NSMAF: variants seen among roughly 807,000 people sequenced by gnomAD.
The protein encoded by NSMAF is protein FAN.
NSMAF carries 90 observed loss-of-function variants against 134.9 expected under a neutral mutation model. The ratio of observed to expected loss-of-function variants is 0.67; its 90% confidence interval spans 0.56 to 0.79. The LOEUF (loss-of-function observed/expected upper bound fraction) is 0.79. Among genes scored for constraint, NSMAF ranks in the 30% least tolerant of loss-of-function variants. The pLI is 0.00. For synonymous variants in NSMAF, 358 were observed against 389.6 expected, an observed-to-expected ratio of 0.92 and a Z score of 0.96; for missense variants, 1,010 against 1,119.0, an observed-to-expected ratio of 0.90 and a Z score of 1.39.
intron 26 of NSMAF, among the ~76,000 whole-genome samples, chr8:58,588,217 A>T (rs1756436677): frequency 6.6e-6 from 1 of 152,262 alleles, no homozygotes. Context: ...TAAGATTTCA[A>T]AGAAAAGACT....
intron 2 of NSMAF, chr8:58,637,374 T>C (rs1807200284): frequency 2.2e-6 from 1 of 456,168 alleles, no homozygotes; most frequent in Non-Finnish European, 4.4e-6. Context: ...TGATTGCAAC[T>C]GAGTTATTTC....
At chr8:58,610,142 G>A (rs1486429673) in intron 9 of NSMAF, among the ~76,000 whole-genome samples, 1 of 151,856 alleles carries the variant, frequency 6.6e-6, no homozygotes, top group East Asian at 1.9e-4. Context: ...ACTTTATAAG[G>A]CTCTGACTAC....
At chr8:58,647,794 C>A (rs1807493524) in intron 1 of NSMAF, among the ~76,000 whole-genome samples, 2 of 152,210 alleles carry the variant, frequency 1.3e-5, no homozygotes, top group African/African-American at 4.8e-5. Context: ...GCCAACTAAG[C>A]CTCTTTCCAT....
At chr8:58,655,711 T>C (rs1236125299) in intron 1 of NSMAF, among the ~76,000 whole-genome samples, 1 of 151,748 alleles carries the variant, frequency 6.6e-6, no homozygotes, top group Non-Finnish European at 1.5e-5. Flanking sequence ...ATCGAGACCA[T>C]CCTGGCTAAC....
chr8:58,609,789 A>C, intron 9 of NSMAF, 56 bp from the exon 10 acceptor site: 1 of 1,564,920 alleles, frequency 6.4e-7, no homozygotes. Context: ...TCTACTTTCT[A>C]GGTTTATCTA....
At chr8:58,647,442 C>G (rs1411906390) in intron 1 of NSMAF, among the ~76,000 whole-genome samples, 1 of 152,180 alleles carries the variant, frequency 6.6e-6, no homozygotes, top group East Asian at 1.9e-4. Context: ...ATACACTGGA[C>G]AGTGATATAG....
intron 1 of NSMAF, among the ~76,000 whole-genome samples, chr8:58,654,481 C>T (rs1238675652): frequency 6.6e-6 from 1 of 151,986 alleles, no homozygotes; most frequent in African/African-American, 2.4e-5. Context: ...ACCCAGGAGG[C>T]GGAGTTTGCG....
At chr8:58,627,287 GC>G (rs569496790) in intron 6 of NSMAF, among the ~76,000 whole-genome samples, 3 of 151,850 alleles carry the variant, frequency 2.0e-5, no homozygotes, top group Non-Finnish European at 4.4e-5. Context: ...CTTTGCCTAC[GC>G]CCCTGAAAAC....
chr8:58,637,071 T>G (rs962166813), intron 2 of NSMAF, among the ~76,000 whole-genome samples: 1 of 152,038 alleles, frequency 6.6e-6, no homozygotes, highest in African/African-American at 2.4e-5. Flanking sequence ...TTTATAAAAT[T>G]ACGTACTCAT....
rs536288071 is a variant in NSMAF at position 58,649,929 on chromosome 8, T to C, written c.60-6856A>G. Among the ~76,000 whole-genome samples the C allele has an allele frequency of 1.1e-3, 169 of 152,338 alleles. 1 individual carries two copies. Among genetic ancestry groups the C allele is most frequent in the Non-Finnish European group, 2.1e-3 (141 of 68,024 alleles). On this transcript the variant is annotated intron_variant, in intron 1 of 30. Transcript: ENST00000038176. ...GACTGGTGACAACAACTTCCTCTTC[T>C]AGTGGTTTATAAATAATCTGTCTGA...
chr8:58,622,991 G>C (rs1806822985), intron 9 of NSMAF, among the ~76,000 whole-genome samples: 2 of 152,180 alleles, frequency 1.3e-5, no homozygotes, highest in African/African-American at 4.8e-5. Flanking sequence ...TGAAAACACA[G>C]AAGCAGAAAC....
chr8:58,594,317 T>C (rs375222619), intron 22 of NSMAF, 27 bp from the exon 23 acceptor site: 12 of 1,594,048 alleles, frequency 7.5e-6, no homozygotes, highest in Non-Finnish European at 1.0e-5. Context: ...TTTCACAAAT[T>C]ACTACTCATC....
chr8:58,584,624 A>T (rs184422164), intron 30 of NSMAF, among the ~76,000 whole-genome samples: 1 of 152,230 alleles, frequency 6.6e-6, no homozygotes. Flanking sequence ...TAAGTTGAGA[A>T]CAAAAGTCAC....
At chr8:58,646,280 T>C (rs934330995) in intron 1 of NSMAF, among the ~76,000 whole-genome samples, 1 of 152,072 alleles carries the variant, frequency 6.6e-6, no homozygotes, top group Non-Finnish European at 1.5e-5. Context: ...AGAATTGGAG[T>C]TACACATCCT....
intron 1 of NSMAF, 144 bp downstream of exon 1, chr8:58,659,429 A>G (rs954255607): frequency 6.7e-7 from 1 of 1,499,342 alleles, no homozygotes; most frequent in Non-Finnish European, 8.9e-7. Flanking sequence ...CACAGCCCCC[A>G]GCCCAGGCCC....
intron 6 of NSMAF, among the ~76,000 whole-genome samples, chr8:58,625,267 G>A (rs958460563): frequency 6.6e-6 from 1 of 152,044 alleles, no homozygotes; most frequent in African/African-American, 2.4e-5. Context: ...CCTGGGTCTG[G>A]AATTCTTGGC....
chr8:58,587,597 C>T (rs534767215), intron 27 of NSMAF, 21 bp downstream of exon 27: 1 of 1,609,690 alleles, frequency 6.2e-7, no homozygotes, highest in Non-Finnish European at 8.5e-7. Flanking sequence ...GTTTTCTGTA[C>T]AGTTTGTTGC....
chr8:58,642,571 C>A (rs58866790), intron 2 of NSMAF, among the ~76,000 whole-genome samples: 7,366 of 152,144 alleles, frequency 0.048, 482 homozygotes, highest in East Asian at 0.23. Context: ...TAATTGAGAG[C>A]AGAGGATACT....
intron 6 of NSMAF, among the ~76,000 whole-genome samples, chr8:58,626,225 A>G (rs1806927172): frequency 6.6e-6 from 1 of 150,866 alleles, no homozygotes. Context: ...CAGCCTCCCA[A>G]GTAGCTGGGA....
Sources: allele counts gnomAD v4.1 joint callset (sites outside exome capture counted in the v4.1 genomes callset), GRCh38; gene constraint gnomAD v4.1.1; transcripts MANE v1.5; gene names NCBI Gene and HGNC (gene_info 2026-07-23, HGNC 2026-07-21).